The following PRKG1 variants were observed in gnomAD, a reference collection of about 807,000 sequenced individuals.
PRKG1 encodes the protein cGMP-dependent protein kinase 1.
A neutral mutation model predicts 88.1 loss-of-function variants in PRKG1; 35 were observed. The observed-to-expected ratio is 0.40, with a 90% CI of 0.30 to 0.53. The LOEUF is 0.53. PRKG1 is among the 20% of genes least tolerant of loss of function. The pLI is 0.59. For missense variants in PRKG1, 540 were observed against 839.8 expected (o/e 0.64, Z 4.41); for synonymous variants, 303 against 292.5 (o/e 1.04, Z -0.37).
At chr10:52,023,491 A>C (rs537927497) in intron 5 of PRKG1, among the ~76,000 whole-genome samples, 2 of 152,100 alleles carry the variant, frequency 1.3e-5, no homozygotes, top group South Asian at 4.1e-4. Context: ...GAATCGCCAC[A>C]CTCTCTTCCA....
chr10:51,338,826 T>G (rs1841938170), intron 2 of PRKG1, among the ~76,000 whole-genome samples: 2 of 152,226 alleles, frequency 1.3e-5, no homozygotes, highest in African/African-American at 4.8e-5. Context: ...TACAGGATTT[T>G]GTTCCTACTT....
At chr10:51,192,807 G>A (rs1225842024) in intron 2 of PRKG1, among the ~76,000 whole-genome samples, 1 of 151,888 alleles carries the variant, frequency 6.6e-6, no homozygotes. Context: ...AGGAAGCCTA[G>A]TAACATCACG....
At chr10:51,786,031 C>G (rs1282059465) in intron 3 of PRKG1, among the ~76,000 whole-genome samples, 17 of 151,930 alleles carry the variant, frequency 1.1e-4, no homozygotes, top group Admixed American at 1.1e-3. Flanking sequence ...TTAGTTATGC[C>G]CAAGAAAATA....
At chr10:52,191,326 G>A (rs938741052) in intron 9 of PRKG1, among the ~76,000 whole-genome samples, 2 of 144,674 alleles carry the variant, frequency 1.4e-5, no homozygotes, top group Non-Finnish European at 3.0e-5. Context: ...CCATGCTCCA[G>A]CTATTTTTTT....
At chr10:51,346,273 G>A (rs1191176346) in intron 2 of PRKG1, among the ~76,000 whole-genome samples, 1 of 152,178 alleles carries the variant, frequency 6.6e-6, no homozygotes, top group African/African-American at 2.4e-5. Flanking sequence ...AGTCTATAAA[G>A]TAATAACACA....
intron 2 of PRKG1, among the ~76,000 whole-genome samples, chr10:51,349,692 A>T (rs1280325941): frequency 6.6e-6 from 1 of 151,892 alleles, no homozygotes; most frequent in Non-Finnish European, 1.5e-5. Context: ...TTTTTAGTAG[A>T]GACGGGGTTT....
intron 5 of PRKG1, among the ~76,000 whole-genome samples, chr10:51,966,755 C>A (rs1843577360): frequency 6.6e-6 from 1 of 152,194 alleles, no homozygotes; most frequent in Admixed American, 6.6e-5. Flanking sequence ...CACTTTCACT[C>A]TCCTTTAGAA....
At chr10:51,958,214 C>T (rs1034168856) in intron 5 of PRKG1, among the ~76,000 whole-genome samples, 2 of 152,140 alleles carry the variant, frequency 1.3e-5, no homozygotes, top group African/African-American at 2.4e-5. Flanking sequence ...ATACTTCCTA[C>T]CTTATTTAAT....
At chr10:51,050,351 A>G (rs559496729) in intron 1 of PRKG1, among the ~76,000 whole-genome samples, 32 of 152,018 alleles carry the variant, frequency 2.1e-4, no homozygotes, top group African/African-American at 6.8e-4. Flanking sequence ...GGCAACCACC[A>G]TTGTACTCTC....
chr10:51,553,731 ACG>A (rs1247447088), intron 3 of PRKG1, among the ~76,000 whole-genome samples: 2 of 139,104 alleles, frequency 1.4e-5, no homozygotes, highest in Non-Finnish European at 3.3e-5. Context: ...TATATTAGAT[ACG>A]TGTATATAAT....
intron 5 of PRKG1, among the ~76,000 whole-genome samples, chr10:52,032,525 C>A (rs2133211942): frequency 6.6e-6 from 1 of 152,184 alleles, no homozygotes; most frequent in African/African-American, 2.4e-5. Flanking sequence ...AAATTAATAG[C>A]AGCTTTTTAA....
At chr10:51,112,635 T>C (rs1029213924) in intron 1 of PRKG1, among the ~76,000 whole-genome samples, 2 of 152,152 alleles carry the variant, frequency 1.3e-5, no homozygotes, top group African/African-American at 4.8e-5. Flanking sequence ...TGGAAATAGA[T>C]GTGATGATTA....
intron 5 of PRKG1, among the ~76,000 whole-genome samples, chr10:51,976,869 T>C (rs1264887345): frequency 6.6e-6 from 1 of 152,048 alleles, no homozygotes; most frequent in Non-Finnish European, 1.5e-5. Context: ...TAGCTACTTA[T>C]TTATGACTTA....
intron 1 of PRKG1, among the ~76,000 whole-genome samples, chr10:51,067,582 G>A (rs1373671466): frequency 6.6e-6 from 1 of 151,958 alleles, no homozygotes; most frequent in African/African-American, 2.4e-5. Flanking sequence ...CAACATAGAT[G>A]ATTTTCTAAA....
intron 7 of PRKG1, among the ~76,000 whole-genome samples, chr10:52,131,461 G>T (rs539891929): frequency 6.6e-6 from 1 of 151,988 alleles, no homozygotes; most frequent in Admixed American, 6.6e-5. Context: ...GAGATAAGAA[G>T]GGGTGAACTA....
chr10:51,098,345 G>A (rs1290114767), intron 1 of PRKG1, among the ~76,000 whole-genome samples: 1 of 152,162 alleles, frequency 6.6e-6, no homozygotes, highest in Non-Finnish European at 1.5e-5. Flanking sequence ...CTATATGAGA[G>A]TCTTGTTATT....
At chr10:51,418,863 C>T (rs1219608246) in intron 2 of PRKG1, among the ~76,000 whole-genome samples, 1 of 152,134 alleles carries the variant, frequency 6.6e-6, no homozygotes, top group African/African-American at 2.4e-5. Context: ...TAACACCACT[C>T]ATAATCCAAG....
chr10:51,714,049 G>A lies in PRKG1; in HGVS notation c.593-90536G>A, dbSNP rs142277817. Among the ~76,000 whole-genome samples the A allele has an allele frequency of 6.1e-3, 931 of 151,854 alleles. 14 individuals carry two copies. Among genetic ancestry groups the A allele is most frequent in the African/African-American group, 0.021 (879 of 41,388 alleles). ...GACTGGAGTGCAGTGGCATGATCTC[G>A]GCTCACCGCAAGCTCCGCCTCCCAG... On this transcript the variant is annotated intron_variant, in intron 3 of 17. Coordinates refer to ENST00000373980, the MANE Select transcript of PRKG1 (RefSeq NM_006258.4).
intron 8 of PRKG1, among the ~76,000 whole-genome samples, chr10:52,145,633 T>C (rs1837710376): frequency 1.3e-5 from 2 of 152,200 alleles, no homozygotes. Context: ...TGTATAGTCA[T>C]GAAGTTTGAG....
Sources: gnomAD v4.1 joint callset for allele counts (sites outside exome capture counted in the v4.1 genomes callset) on GRCh38, gnomAD v4.1.1 for gene constraint, MANE v1.5 for transcripts, NCBI Gene and HGNC (gene_info 2026-07-23, HGNC 2026-07-21) for gene names.